The following PABPC4L variants were observed in gnomAD, a reference collection of about 807,000 sequenced individuals.
PABPC4L encodes polyadenylate-binding protein 4-like.
For missense variants in PABPC4L, 452 were observed against 451.4 expected, an observed-to-expected ratio of 1.00 and a Z score of -0.01; for synonymous variants, 169 against 164.1, an observed-to-expected ratio of 1.03 and a Z score of -0.23.
At chr4:133,996,433 C>T in the PABPC4L span, among the ~76,000 whole-genome samples, 1 of 152,156 alleles carries the variant, frequency 6.6e-6, no homozygotes, top group South Asian at 2.1e-4. Context: ...GAGACGAAGG[C>T]TCCACTAGCT....
chr4:134,059,951 G>A, the PABPC4L span, among the ~76,000 whole-genome samples: 404 of 152,206 alleles, frequency 2.7e-3, 1 homozygote, highest in Non-Finnish European at 3.5e-3. Context: ...AAAGCACAGG[G>A]AAAACAGTCT....
chr4:134,018,200 CA>C, the PABPC4L span, among the ~76,000 whole-genome samples: 1 of 152,086 alleles, frequency 6.6e-6, no homozygotes. Flanking sequence ...TCCTGCCCGC[CA>C]GAGAACAACC....
chr4:134,019,985 G>T, the PABPC4L span, among the ~76,000 whole-genome samples: 1 of 152,040 alleles, frequency 6.6e-6, no homozygotes, highest in African/African-American at 2.4e-5. Context: ...CTATCAAGTG[G>T]CCAGAATGTA....
chr4:133,990,024 C>T, the PABPC4L span, among the ~76,000 whole-genome samples: 3 of 152,056 alleles, frequency 2.0e-5, no homozygotes, highest in Admixed American at 2.0e-4. Flanking sequence ...GAGATAACCA[C>T]CCCCATGATT....
At chr4:134,105,916 T>G in the PABPC4L span, among the ~76,000 whole-genome samples, 3 of 151,700 alleles carry the variant, frequency 2.0e-5, no homozygotes, top group African/African-American at 7.2e-5. Flanking sequence ...AGGAGACTTG[T>G]TAAAAGACTG....
At chr4:134,003,654 C>T in the PABPC4L span, among the ~76,000 whole-genome samples, 2 of 151,964 alleles carry the variant, frequency 1.3e-5, no homozygotes, top group East Asian at 3.9e-4. Context: ...GAGCCATGCC[C>T]ATGTTCAGGG....
At chr4:134,143,032 A>G in the PABPC4L span, among the ~76,000 whole-genome samples, 2 of 151,616 alleles carry the variant, frequency 1.3e-5, no homozygotes, top group African/African-American at 4.8e-5. Flanking sequence ...AACTCTTTAC[A>G]TGGCAGTAAG....
intron 1 of PABPC4L, 145 bp downstream of exon 1, chr4:134,201,573 G>A (rs1269949431): frequency 5.0e-6 from 1 of 200,176 alleles, no homozygotes; most frequent in Non-Finnish European, 1.0e-5. Context: ...CGGGCCAAGG[G>A]CGTCCTGAAG....
At chr4:134,158,192 A>G in the PABPC4L span, among the ~76,000 whole-genome samples, 1 of 152,072 alleles carries the variant, frequency 6.6e-6, no homozygotes, top group South Asian at 2.1e-4. Context: ...AGTTATTATC[A>G]GTAAATAGTG....
chr4:134,168,524 T>A, the PABPC4L span, among the ~76,000 whole-genome samples: 1 of 151,736 alleles, frequency 6.6e-6, no homozygotes, highest in Non-Finnish European at 1.5e-5. Flanking sequence ...CATTTTGGTC[T>A]GAGTAACTAC....
chr4:134,138,647 A>T, the PABPC4L span, among the ~76,000 whole-genome samples: 5 of 151,656 alleles, frequency 3.3e-5, no homozygotes, highest in African/African-American at 1.2e-4. Context: ...ACTCAATTTT[A>T]TTATGCATTC....
chr4:134,022,954 A>G, the PABPC4L span, among the ~76,000 whole-genome samples: 13 of 151,410 alleles, frequency 8.6e-5, no homozygotes, highest in Admixed American at 4.6e-4. Flanking sequence ...ATTAATTAAT[A>G]TCAGGATTCC....
chr4:134,184,200 A>G, the PABPC4L span, among the ~76,000 whole-genome samples: 28 of 152,030 alleles, frequency 1.8e-4, no homozygotes, highest in African/African-American at 6.7e-4. Context: ...GGGGGATCTG[A>G]TTTATGGCAC....
At chr4:134,028,441 T>C in the PABPC4L span, among the ~76,000 whole-genome samples, 1 of 148,784 alleles carries the variant, frequency 6.7e-6, no homozygotes, top group African/African-American at 2.5e-5. Context: ...TCTTTTCCTT[T>C]TTTTTTTTTT....
At chr4:133,969,743 G>A in the PABPC4L span, among the ~76,000 whole-genome samples, 9 of 152,112 alleles carry the variant, frequency 5.9e-5, no homozygotes, top group Admixed American at 1.3e-4. Context: ...AAAACAAAGC[G>A]ACAAATGTTC....
chr4:134,194,830 T>A (rs1729612690), downstream of PABPC4L, among the ~76,000 whole-genome samples: 1 of 151,694 alleles, frequency 6.6e-6, no homozygotes, highest in Non-Finnish European at 1.5e-5. Flanking sequence ...AAGAAAAGTT[T>A]TAAAGAATAC....
the PABPC4L span, among the ~76,000 whole-genome samples, chr4:134,170,083 C>G: frequency 0.091 from 13,815 of 152,104 alleles, 700 homozygotes; most frequent in South Asian, 0.13. Context: ...CCAAGTAGAA[C>G]TGTGTCCATG....
chr4:134,113,133 G>A, the PABPC4L span, among the ~76,000 whole-genome samples: 1 of 152,080 alleles, frequency 6.6e-6, no homozygotes, highest in African/African-American at 2.4e-5. Context: ...TTTAAGCTAA[G>A]TGTTATTACA....
the PABPC4L span, among the ~76,000 whole-genome samples, chr4:134,145,929 G>T: frequency 6.6e-6 from 1 of 151,768 alleles, no homozygotes; most frequent in African/African-American, 2.4e-5. Flanking sequence ...TTTAAAAATG[G>T]TCCTAAATGC....
Sources: allele counts gnomAD v4.1 joint callset (sites outside exome capture counted in the v4.1 genomes callset), GRCh38; gene constraint gnomAD v4.1.1; transcripts MANE v1.5; gene names NCBI Gene and HGNC (gene_info 2026-07-23, HGNC 2026-07-21).